The following IP6K1 variants were observed in gnomAD, a reference collection of about 807,000 sequenced individuals.
IP6K1 encodes the protein ATP:1D-myo-inositol-hexakisphosphate phosphotransferase.
Under a neutral mutation model 38.3 loss-of-function variants are expected in IP6K1, and 13 were observed. The ratio of observed to expected loss-of-function variants is 0.34; its 90% CI spans 0.22 to 0.54. The LOEUF (loss-of-function observed/expected upper bound fraction) is 0.54, where lower values mean the gene tolerates loss of function less well. IP6K1 is among the 20% of genes least tolerant of loss of function. The probability of loss-of-function intolerance (pLI) is 0.92; values close to 1 mark genes in which losing one functional copy is unlikely to be tolerated. For missense variants in IP6K1, 397 were observed against 599.8 expected (o/e 0.66, Z 3.53); for synonymous variants, 212 against 229.9 (o/e 0.92, Z 0.70).
intron 4 of IP6K1, among the ~76,000 whole-genome samples, chr3:49,730,677 G>A (rs2080554215): frequency 6.6e-6 from 1 of 151,862 alleles, no homozygotes; most frequent in South Asian, 2.1e-4. Context: ...CTCCCAAGTA[G>A]CTGGAACTAT....
At chr3:49,768,656 G>A (rs1395002749) in intron 1 of IP6K1, among the ~76,000 whole-genome samples, 1 of 152,142 alleles carries the variant, frequency 6.6e-6, no homozygotes, top group Non-Finnish European at 1.5e-5. Flanking sequence ...TGTAATCCCA[G>A]CTACTTGAGA....
chr3:49,751,286 T>G (rs954570430), intron 1 of IP6K1, among the ~76,000 whole-genome samples: 1 of 151,990 alleles, frequency 6.6e-6, no homozygotes, highest in Non-Finnish European at 1.5e-5. Flanking sequence ...CTCAGCCTCC[T>G]GAGTAACTGG....
At position 49,755,948 on chromosome 3, in the gene IP6K1, G is replaced by A. The variant is rs1280021933; in HGVS notation, c.-128-7780C>T. ...TGAGAGAGAACAATCCTCCTGTACCGTGAGGAGAAGGGAAACATAGGGAGT... is the reference window on the plus strand; with the variant it reads ...TGAGAGAGAACAATCCTCCTGTACCATGAGGAGAAGGGAAACATAGGGAGT... On this transcript the variant is annotated intron_variant, in intron 1 of 5. Transcript: ENST00000321599. 3.3e-5 allele frequency among the ~76,000 whole-genome samples: 5 copies of A among 152,276 alleles called. 1 individual carries two copies. Among genetic ancestry groups the A allele is most frequent in the Non-Finnish European group, 5.9e-5 (4 of 68,014 alleles).
chr3:49,736,689 C>G lies in IP6K1; in HGVS notation c.434+1523G>C, dbSNP rs529697923. Among the ~76,000 whole-genome samples, 27 of 151,386 alleles carry G rather than the reference C, an allele frequency of 1.8e-4. No individual in the cohort carries two copies. The South Asian group carries it at 4.4e-3, about 25-fold the overall frequency. On this transcript the variant is annotated intron_variant, in intron 3 of 5. Coordinates refer to ENST00000321599, the MANE Select transcript of IP6K1 (RefSeq NM_153273.4). ...AAATAATTTTAAGAACATTTTTGTA[C>G]AAATTTTGTGGGAATATATGTATTC...
rs538170972 is a variant in IP6K1, at chr3:49,768,662, T to C, written c.-129+17692A>G. ...GCGGGCACCTGTAATCCCAGCTACT[T>C]GAGAGGCTGAGGCAGGAGAATCACT... On this transcript the variant is annotated intron_variant, in intron 1 of 5. Transcript: ENST00000321599. 2.0e-5 allele frequency among the ~76,000 whole-genome samples: 3 copies of C among 152,040 alleles called. No homozygotes were observed. The East Asian group carries it at 5.8e-4, about 29-fold the overall frequency.
Position 49,725,768 on chromosome 3 carries a change from C to G in IP6K1, c.*1354G>C, listed in dbSNP as rs2080495191. 1 of 152,526 alleles carries G rather than the reference C, an allele frequency of 6.6e-6. No homozygotes were observed. Among genetic ancestry groups the G allele is most frequent in the African/African-American group, 2.4e-5 (1 of 41,378 alleles). The allele number at this position is 152,526 out of a possible 1,614,324, so 9.4% of individuals were successfully genotyped here. A position where few individuals can be genotyped will look rare whatever the true frequency, so the allele number is the denominator to read the frequency against. ...CCATGAGAAAGGAAGGGTCACTCCT[C>G]AAGCCCTCACTGCCCCACTCTAAGG... On this transcript the variant is annotated 3_prime_UTR_variant, in exon 6 of 6. Coordinates refer to ENST00000321599, the MANE Select transcript of IP6K1 (RefSeq NM_153273.4).
At chr3:49,781,436 G>C (rs1302120841) in intron 1 of IP6K1, among the ~76,000 whole-genome samples, 1 of 152,160 alleles carries the variant, frequency 6.6e-6, no homozygotes, top group Non-Finnish European at 1.5e-5. Flanking sequence ...GCAGTTCAAA[G>C]GGTATGAAAT....
chr3:49,760,993 C>T (rs192184393), intron 1 of IP6K1, among the ~76,000 whole-genome samples: 1 of 152,322 alleles, frequency 6.6e-6, no homozygotes, highest in East Asian at 1.9e-4. Context: ...GCAATGCTAA[C>T]GTTTTAAAGT....
At chr3:49,769,241 C>CT (rs1175615953) in intron 1 of IP6K1, among the ~76,000 whole-genome samples, 2 of 152,082 alleles carry the variant, frequency 1.3e-5, no homozygotes, top group Admixed American at 6.6e-5. Flanking sequence ...TGGCAGGAGA[C>CT]TTTTTTACAG....
chr3:49,735,056 A>T (rs1323044598), intron 3 of IP6K1, among the ~76,000 whole-genome samples: 2 of 152,118 alleles, frequency 1.3e-5, no homozygotes, highest in African/African-American at 2.4e-5. Flanking sequence ...GGAGGACAAT[A>T]AAAAAAGCCC....
intron 4 of IP6K1, 24 bp downstream of exon 4, chr3:49,732,767 C>G: frequency 1.3e-6 from 2 of 1,599,148 alleles, no homozygotes; most frequent in Admixed American, 1.7e-5. Flanking sequence ...GTAGACACTC[C>G]TGAAGGAGGG....
chr3:49,780,309 T>TACACACACACACACACACACATACAC (rs2081053947), intron 1 of IP6K1, among the ~76,000 whole-genome samples: 1 of 117,546 alleles, frequency 8.5e-6, no homozygotes, highest in Admixed American at 9.4e-5. Flanking sequence ...TCATCTTTCA[T>TACACACACACACACACACACATACAC]ACACACACAC....
At chr3:49,747,718 C>T in intron 2 of IP6K1, 100 bp downstream of exon 2, 1 of 1,494,422 alleles carries the variant, frequency 6.7e-7, no homozygotes, top group Non-Finnish European at 9.1e-7. Flanking sequence ...AGAAAAAAGA[C>T]CTACAATGAT....
At chr3:49,771,886 A>G (rs1473975004) in intron 1 of IP6K1, among the ~76,000 whole-genome samples, 1 of 152,222 alleles carries the variant, frequency 6.6e-6, no homozygotes, top group African/African-American at 2.4e-5. Context: ...AACAGCATGT[A>G]TAAATTAAAA....
intron 1 of IP6K1, among the ~76,000 whole-genome samples, chr3:49,774,931 T>C (rs2080993695): frequency 6.6e-6 from 1 of 152,162 alleles, no homozygotes; most frequent in Non-Finnish European, 1.5e-5. Context: ...TCTAGTCATA[T>C]TTTCATTAAC....
chr3:49,768,192 CTA>C (rs2080928142), intron 1 of IP6K1, among the ~76,000 whole-genome samples: 1 of 152,152 alleles, frequency 6.6e-6, no homozygotes, highest in South Asian at 2.1e-4. Flanking sequence ...ACTTTTAGGT[CTA>C]TACCCAAAAG....
At chr3:49,736,250 T>C (rs1462242695) in intron 3 of IP6K1, among the ~76,000 whole-genome samples, 3 of 152,190 alleles carry the variant, frequency 2.0e-5, no homozygotes, top group Admixed American at 2.0e-4. Flanking sequence ...TTTTTTACAA[T>C]TCTGTGGTTT....
At chr3:49,739,355 CTTT>C (rs778966835) in intron 2 of IP6K1, among the ~76,000 whole-genome samples, 5 of 135,584 alleles carry the variant, frequency 3.7e-5, no homozygotes, top group Non-Finnish European at 3.1e-5. Flanking sequence ...GCTTAAAGTT[CTTT>C]TTTTTTTTTT....
intron 2 of IP6K1, among the ~76,000 whole-genome samples, chr3:49,740,710 T>G (rs904936476): frequency 6.6e-5 from 10 of 152,204 alleles, no homozygotes; most frequent in African/African-American, 2.4e-4. Flanking sequence ...CTCAATAGTA[T>G]TCCATTGTAA....
Sources: gnomAD v4.1 joint callset for allele counts (sites outside exome capture counted in the v4.1 genomes callset) on GRCh38, gnomAD v4.1.1 for gene constraint, MANE v1.5 for transcripts, NCBI Gene and HGNC (gene_info 2026-07-23, HGNC 2026-07-21) for gene names.